Variants in RBBP8 observed in about 807,000 individuals in gnomAD.
RBBP8 encodes the protein DNA endonuclease RBBP8.
A neutral mutation model predicts 108.3 loss-of-function variants in RBBP8; 88 were observed. The ratio of observed to expected loss-of-function variants is 0.81; its 90% CI spans 0.68 to 0.97. The LOEUF (loss-of-function observed/expected upper bound fraction) is 0.97. Ranked by LOEUF, RBBP8 falls within the 50% of genes least tolerant of loss-of-function variation. The pLI, the probability that RBBP8 is intolerant of heterozygous loss-of-function variation, is 0.00. For synonymous variants in RBBP8, 332 were observed against 348.2 expected (o/e 0.95, Z 0.52); for missense variants, 1,023 against 1,049.0 (o/e 0.98, Z 0.34).
intron 4 of RBBP8, chr18:22,949,956 A>G: frequency 2.4e-6 from 1 of 415,666 alleles, no homozygotes; most frequent in Non-Finnish European, 4.3e-6. Flanking sequence ...TGGAAGCTCA[A>G]GGGTAGCAAT....
upstream of RBBP8, among the ~76,000 whole-genome samples, chr18:22,931,572 G>A (rs1910032122): frequency 6.6e-6 from 1 of 152,062 alleles, no homozygotes; most frequent in South Asian, 2.1e-4. Context: ...AATCATATTA[G>A]CTAAGAAATA....
At chr18:22,995,691 G>A (rs567673847) in intron 12 of RBBP8, among the ~76,000 whole-genome samples, 2 of 151,922 alleles carry the variant, frequency 1.3e-5, no homozygotes, top group Admixed American at 1.3e-4. Flanking sequence ...CTTTCACTTG[G>A]CATAATGTTT....
intron 1 of RBBP8, chr18:22,934,830 C>A (rs191587105): frequency 2.6e-5 from 4 of 152,094 alleles, no homozygotes; most frequent in African/African-American, 7.2e-5. Context: ...ATAGCCATGT[C>A]CCAGCTGTGT....
At chr18:22,942,247 A>G (rs1231967142) in intron 2 of RBBP8, among the ~76,000 whole-genome samples, 1 of 152,118 alleles carries the variant, frequency 6.6e-6, no homozygotes, top group Non-Finnish European at 1.5e-5. Flanking sequence ...GAATGGTAAT[A>G]TTTGAGATAT....
intron 4 of RBBP8, among the ~76,000 whole-genome samples, chr18:22,953,734 A>G (rs12966925): frequency 6.8e-6 from 1 of 148,142 alleles, no homozygotes; most frequent in East Asian, 2.0e-4. Context: ...TAGTCTATAT[A>G]TTTTTTTTTT....
At position 22,936,786 on chromosome 18, in the gene RBBP8, T is replaced by C; in HGVS notation, c.-66T>C. 2 of 1,594,684 alleles carry C rather than the reference T, an allele frequency of 1.3e-6. No individual in the cohort carries two copies. The highest frequency in any genetic ancestry group is 1.7e-6 in the Non-Finnish European group (2 of 1,163,858). On this transcript the variant is annotated 5_prime_UTR_variant, in exon 2 of 19. Transcript: ENST00000327155. ...ACCTGTCCAAAGACGACTTGATACC[T>C]CTATAATGTAACAGAAAAGGTCAGA...
chr18:22,925,171 G>A (rs1347983702), intron 3 of RBBP8, among the ~76,000 whole-genome samples: 1 of 152,000 alleles, frequency 6.6e-6, no homozygotes, highest in Non-Finnish European at 1.5e-5. Flanking sequence ...CACTTGGCCG[G>A]AAGCCTATCT....
At chr18:22,981,916 A>G (rs552590257) in intron 6 of RBBP8, among the ~76,000 whole-genome samples, 19 of 152,346 alleles carry the variant, frequency 1.2e-4, no homozygotes, top group African/African-American at 4.3e-4. Context: ...CAACATAAGT[A>G]CACAGTACTG....
At chr18:22,937,969 G>T (rs959295053) in intron 2 of RBBP8, among the ~76,000 whole-genome samples, 3 of 151,700 alleles carry the variant, frequency 2.0e-5, no homozygotes, top group Admixed American at 6.6e-5. Context: ...GGGACTACAG[G>T]TGTGCACCAC....
upstream of RBBP8, among the ~76,000 whole-genome samples, chr18:22,928,652 C>G (rs1372015810): frequency 6.6e-6 from 1 of 151,468 alleles, no homozygotes; most frequent in Non-Finnish European, 1.5e-5. Flanking sequence ...TGATTTTTAA[C>G]CTTTAGGCAA....
At chr18:22,926,046 T>C (rs1263119038) in intron 3 of RBBP8, among the ~76,000 whole-genome samples, 1 of 152,226 alleles carries the variant, frequency 6.6e-6, no homozygotes, top group Admixed American at 6.5e-5. Flanking sequence ...TAAGCTTATA[T>C]GAATAGATAC....
intron 18 of RBBP8, among the ~76,000 whole-genome samples, chr18:23,024,339 T>C (rs2046421445): frequency 6.6e-6 from 1 of 152,226 alleles, no homozygotes; most frequent in Admixed American, 6.5e-5. Flanking sequence ...GACAACATAC[T>C]CTTAGTTTTA....
chr18:22,951,581 C>G (rs1912046577), intron 4 of RBBP8, among the ~76,000 whole-genome samples: 1 of 152,162 alleles, frequency 6.6e-6, no homozygotes, highest in African/African-American at 2.4e-5. Flanking sequence ...ACAGCAGACA[C>G]TAGCTGGGTA....
intron 4 of RBBP8, among the ~76,000 whole-genome samples, chr18:22,961,343 A>G (rs1913083445): frequency 6.6e-6 from 1 of 152,306 alleles, no homozygotes; most frequent in South Asian, 2.1e-4. Flanking sequence ...CTAAGCATGT[A>G]ATGAGTGCTG....
chr18:22,927,007 T>C (rs1909813544), intron 3 of RBBP8, among the ~76,000 whole-genome samples: 1 of 152,226 alleles, frequency 6.6e-6, no homozygotes, highest in Admixed American at 6.5e-5. Flanking sequence ...TGATGTATAC[T>C]CCCACTCACA....
rs1340137046 is a variant in RBBP8, at chr18:22,933,349, C to CGGGCG, written c.-306_-302dup. ...TCCCGCGTGACGTCGCGCGGGCTCC[C>CGGGCG]GGGCGGGGCGGGTCCGGCCGCCTCC... On this transcript the variant is annotated 5_prime_UTR_variant, in exon 1 of 19. Transcript: ENST00000327155. 2 of 152,480 alleles carry CGGGCG rather than the reference C, an allele frequency of 1.3e-5. No individual in the cohort carries two copies. The highest frequency in any genetic ancestry group is 6.5e-5 in the Admixed American group (1 of 15,282). 9.4% of individuals were successfully genotyped at this position (152,480 alleles called of 1,614,324 possible).
chr18:23,022,195 C>A lies in RBBP8; in HGVS notation c.2521C>A (p.Arg841Ser), dbSNP rs147143633. 6.2e-6 allele frequency: 10 copies of A among 1,611,070 alleles called. No individual in the cohort carries two copies. The highest frequency in any genetic ancestry group is 1.3e-5 in the African/African-American group (1 of 74,824). Reference protein sequence around the residue: ...KLASCSRHRFRYIPPNTPENF... With the variant: ...KLASCSRHRFSYIPPNTPENF... The stretch of plus-strand genomic sequence containing the variant: ...GGCTTCCTGCTCAAGACACCGATTC[C>A]GCTACATTCCACCCAACACACCAGA... The change falls in exon 18 of 19, where the codon CGC (arginine) becomes AGC (serine). Residue 841 changes from arginine (R) to serine (S), a missense_variant. Coordinates refer to ENST00000327155, the MANE Select transcript of RBBP8 (RefSeq NM_002894.3).
chr18:22,984,848 T>C (rs759991822), intron 7 of RBBP8, 38 bp from the exon 8 acceptor site: 2 of 1,182,162 alleles, frequency 1.7e-6, no homozygotes, highest in South Asian at 2.7e-5. Context: ...TCATCATCAT[T>C]GTTTATTGTG....
chr18:22,993,432 C>A lies in RBBP8; in HGVS notation c.1605C>A (p.Ser535Arg), dbSNP rs746460404. 3.7e-6 allele frequency: 6 copies of A among 1,614,116 alleles called. No homozygotes were observed. In the Admixed American group the frequency reaches 1.0e-4, roughly 27 times the overall value. The change falls in exon 11 of 19, where the codon AGC (serine) becomes AGA (arginine). Residue 535 changes from serine (S) to arginine (R), a missense_variant. Coordinates refer to ENST00000327155, the MANE Select transcript of RBBP8 (RefSeq NM_002894.3). The stretch of plus-strand genomic sequence containing the variant: ...CCATTCCAAAGGGCTTTTCCTCAAG[C>A]CGTAAGGCCTCAGATGGCAACTGCA... ...LKTIPKGFSS[S>R]RKASDGNCTL...
Sources: gnomAD v4.1 joint callset for allele counts (sites outside exome capture counted in the v4.1 genomes callset) on GRCh38, gnomAD v4.1.1 for gene constraint, MANE v1.5 for transcripts, NCBI Gene and HGNC (gene_info 2026-07-23, HGNC 2026-07-21) for gene names.